MAP3K4: variants seen among roughly 807,000 people sequenced by gnomAD.
The protein encoded by MAP3K4 is mitogen-activated protein kinase kinase kinase 4.
Under a neutral mutation model 185.6 loss-of-function variants are expected in MAP3K4, and 67 were observed. That is an observed-to-expected ratio of 0.36 (90% CI 0.30 to 0.44). MAP3K4 has a LOEUF of 0.44. Ranked by LOEUF, MAP3K4 falls within the 20% of genes least tolerant of loss-of-function variation. The probability of loss-of-function intolerance (pLI) is 1.00; values close to 1 mark genes in which losing one functional copy is unlikely to be tolerated. For synonymous variants in MAP3K4, 702 were observed against 710.4 expected, an observed-to-expected ratio of 0.99 and a Z score of 0.19; for missense variants, 1,551 against 1,995.1, an observed-to-expected ratio of 0.78 and a Z score of 4.24.
rs1022744828 is a variant in MAP3K4 at position 160,992,018 on chromosome 6, G to A, written c.87G>A (p.Pro29=). Residue 29 remains proline, a synonymous_variant, in exon 1 of 27, where the codon CCG becomes CCA. Coordinates refer to ENST00000392142, the MANE Select transcript of MAP3K4 (RefSeq NM_005922.4). ...AAAMEEPPPP[P]PPPPPPPEPE... ...CCATGGAGGAGCCGCCGCCACCGCC[G>A]CCGCCGCCACCACCGCCACCGGAAC... The A allele has an allele frequency of 3.2e-6, 5 of 1,553,524 alleles. No individual in the cohort carries two copies. Among genetic ancestry groups the A allele is most frequent in the Non-Finnish European group, 4.3e-6 (5 of 1,156,796 alleles).
chr6:161,036,053 G>A (rs1052285400), intron 2 of MAP3K4, among the ~76,000 whole-genome samples: 2 of 152,158 alleles, frequency 1.3e-5, no homozygotes, highest in African/African-American at 4.8e-5. Flanking sequence ...GGCAATATTT[G>A]AGTTGACTTT....
At chr6:161,011,456 C>T (rs892629837) in intron 1 of MAP3K4, among the ~76,000 whole-genome samples, 1 of 152,040 alleles carries the variant, frequency 6.6e-6, no homozygotes, top group African/African-American at 2.4e-5. Context: ...CTTTCAACCC[C>T]CCTCCCTTCT....
In MAP3K4 at chr6:161,111,986, A is replaced by C. The variant is rs201438265; in HGVS notation, c.4519+28A>C. ...AGGGACCAGCCTGGTTGTTCTTTGC[A>C]CTCTGACTTCATGCAGCCTGCTTGG... On this transcript the variant is annotated intron_variant, in intron 24 of 26. Transcript: ENST00000392142. The C allele has an allele frequency of 1.9e-6, 3 of 1,611,488 alleles. No individual in the cohort carries two copies. In the African/African-American group the frequency reaches 4.0e-5, roughly 21 times the overall value.
intron 2 of MAP3K4, among the ~76,000 whole-genome samples, chr6:161,044,430 G>T (rs796884879): frequency 4.6e-5 from 7 of 152,254 alleles, no homozygotes; most frequent in African/African-American, 1.4e-4. Flanking sequence ...ATAGGCTTTT[G>T]GTTGTTATTA....
At position 160,992,019 on chromosome 6, in the gene MAP3K4, C is replaced by A; in HGVS notation, c.88C>A (p.Pro30Thr). Residue 30 changes from proline to threonine, a missense_variant, in exon 1 of 27, where the codon CCG becomes ACG. Physicochemically the swap from Pro to Thr is conservative, Grantham distance 38 (BLOSUM62 -1). This residue lies in a region of MAP3K4 where 287 missense variants were observed against 268.8 expected (regional missense o/e 1.07). Coordinates refer to ENST00000392142, the MANE Select transcript of MAP3K4 (RefSeq NM_005922.4). Reference sequence around the variant, plus strand: ...CATGGAGGAGCCGCCGCCACCGCCGCCGCCGCCACCACCGCCACCGGAACC... The same window carrying A: ...CATGGAGGAGCCGCCGCCACCGCCGACGCCGCCACCACCGCCACCGGAACC... ...AAMEEPPPPP[P>T]PPPPPPEPET... is the part of the protein sequence containing the mutation. 6.4e-7 allele frequency: 1 copy of A among 1,555,158 alleles called. No individual in the cohort carries two copies.
intron 1 of MAP3K4, among the ~76,000 whole-genome samples, chr6:161,021,923 C>T (rs759211466): frequency 2.7e-5 from 4 of 150,582 alleles, no homozygotes; most frequent in Non-Finnish European, 5.9e-5. Context: ...GAATAAAGAC[C>T]CAAGAAAACA....
Position 161,086,692 on chromosome 6 carries a change from G to C in MAP3K4, c.2556+25G>C. 1 of 1,574,150 alleles carries C rather than the reference G, an allele frequency of 6.4e-7. No individual in the cohort carries two copies. Among genetic ancestry groups the C allele is most frequent in the Non-Finnish European group, 8.7e-7 (1 of 1,153,202 alleles). Reference sequence around the variant, plus strand: ...GGTAAGTACTTCAAATGTTGTGATTGAAACATTTTGCCTTTCCTTCTTTAT... The same window carrying C: ...GGTAAGTACTTCAAATGTTGTGATTCAAACATTTTGCCTTTCCTTCTTTAT... On this transcript the variant is annotated intron_variant, in intron 9 of 26. Transcript: ENST00000392142. This position sits in a 1 kb window ranked among gnomAD's most constrained non-coding sequence, Gnocchi z 4.8.
chr6:161,026,726 C>T (rs201248736), intron 1 of MAP3K4, among the ~76,000 whole-genome samples: 32 of 133,280 alleles, frequency 2.4e-4, no homozygotes, highest in Admixed American at 1.8e-3. Context: ...CCAAAGGGTT[C>T]TCTCTCCTTT....
chr6:161,019,981 T>C lies in MAP3K4; in HGVS notation c.153-14278T>C, dbSNP rs187206081. Among the ~76,000 whole-genome samples, 54 of 152,354 alleles carry C rather than the reference T, an allele frequency of 3.5e-4. 1 individual carries two copies. The highest frequency in any genetic ancestry group is 8.3e-4 in the South Asian group (4 of 4,832). ...TATTCACTGCATCTTTTGACACTTA[T>C]ATGATTTTGTAAAAAAGTCAGTTTT... On this transcript the variant is annotated intron_variant, in intron 1 of 26. Transcript: ENST00000392142.
At position 161,011,170 on chromosome 6, in the gene MAP3K4, A is replaced by G. The variant is rs556538674; in HGVS notation, c.152+19087A>G. Among the ~76,000 whole-genome samples, 75 of 152,288 alleles carry G rather than the reference A, an allele frequency of 4.9e-4. No individual in the cohort carries two copies. The South Asian group carries it at 5.2e-3, about 11-fold the overall frequency. ...TTCATTGTCCTAATAGGCCCATGAG[A>G]GGGAAGTCTAATGAAGAATTTGAAA... On this transcript the variant is annotated intron_variant, in intron 1 of 26. Coordinates refer to ENST00000392142, the MANE Select transcript of MAP3K4 (RefSeq NM_005922.4).
rs994862320 is a variant in MAP3K4, at chr6:161,043,113, T to A, written c.344-5503T>A. Among the ~76,000 whole-genome samples, 1 of 152,202 alleles carries A rather than the reference T, an allele frequency of 6.6e-6. No individual in the cohort carries two copies. The highest frequency in any genetic ancestry group is 2.4e-5 in the African/African-American group (1 of 41,440). Reference sequence around the variant, plus strand: ...GCTGGTAAAATGGTTACAAATCAGATTCAATCTATATAGCTAGTGAAATGT... The same window carrying A: ...GCTGGTAAAATGGTTACAAATCAGAATCAATCTATATAGCTAGTGAAATGT... On this transcript the variant is annotated intron_variant, in intron 2 of 26. Coordinates refer to ENST00000392142, the MANE Select transcript of MAP3K4 (RefSeq NM_005922.4). The surrounding 1 kb of genome is among the most constrained non-coding windows in gnomAD (Gnocchi z 4.3).
chr6:161,020,689 A>G (rs1782344971), intron 1 of MAP3K4, among the ~76,000 whole-genome samples: 1 of 151,632 alleles, frequency 6.6e-6, no homozygotes, highest in Non-Finnish European at 1.5e-5. Flanking sequence ...AAAGAGAAAA[A>G]TGCATGCATG....
At position 161,074,909 on chromosome 6, in the gene MAP3K4, C is replaced by A. The variant is rs1293695295; in HGVS notation, c.2097+1297C>A. ...GCAATAGGAGCTCTCCTGGCAACCCCACCCAGCACATTTCCCCTGCCTTTT... is the reference window on the plus strand; with the variant it reads ...GCAATAGGAGCTCTCCTGGCAACCCAACCCAGCACATTTCCCCTGCCTTTT... On this transcript the variant is annotated intron_variant, in intron 5 of 26. Transcript: ENST00000392142. The surrounding 1 kb of genome is among the most constrained non-coding windows in gnomAD (Gnocchi z 5.0). Among the ~76,000 whole-genome samples the A allele has an allele frequency of 1.3e-5, 2 of 152,168 alleles. No individual in the cohort carries two copies. The highest frequency in any genetic ancestry group is 2.9e-5 in the Non-Finnish European group (2 of 68,018).
rs1318245958 is a variant in MAP3K4, at chr6:161,048,332, A to G, written c.344-284A>G. 3.3e-6 allele frequency: 2 copies of G among 615,094 alleles called. No individual in the cohort carries two copies. The highest frequency in any genetic ancestry group is 6.3e-6 in the Non-Finnish European group (2 of 316,076). The allele number at this position is 615,094 out of a possible 1,614,324, so 38.1% of individuals were successfully genotyped here. On this transcript the variant is annotated intron_variant, in intron 2 of 26. Transcript: ENST00000392142. The surrounding 1 kb of genome is among the most constrained non-coding windows in gnomAD (Gnocchi z 4.7). ...AATTTGGTTAAATGATTTGATAACT[A>G]TGCTTTGTAGCATAGAGAGAAATAA...
chr6:161,049,557 A>G lies in MAP3K4; in HGVS notation c.1285A>G (p.Ile429Val). The change falls in exon 3 of 27, where the codon ATC (isoleucine) becomes GTC (valine). Residue 429 changes from isoleucine (I) to valine (V), a missense_variant. This residue lies in a region of MAP3K4 where 24 missense variants were observed against 48.5 expected (regional missense o/e 0.49). Coordinates refer to ENST00000392142, the MANE Select transcript of MAP3K4 (RefSeq NM_005922.4). This position sits in a 1 kb window ranked among gnomAD's most constrained non-coding sequence, Gnocchi z 8.4. ...AGACATTGGCTGGCCAGTGTTTGAAATCCCTTCCCCTCGACCATCCAAAGG... is the reference window on the plus strand; with the variant it reads ...AGACATTGGCTGGCCAGTGTTTGAAGTCCCTTCCCCTCGACCATCCAAAGG... ...LSDIGWPVFE[I>V]PSPRPSKGNE... The G allele has an allele frequency of 6.2e-7, 1 of 1,614,182 alleles. No homozygotes were observed. Among genetic ancestry groups the G allele is most frequent in the East Asian group, 2.2e-5 (1 of 44,884 alleles).
At position 161,114,512 on chromosome 6, in the gene MAP3K4, T is replaced by TA. The variant is rs1778506188; in HGVS notation, c.4627-610dup. Reference sequence around the variant, plus strand: ...CATTAAAATAGAAAGGCAGTTGTGATATCTGTGTTATTCCAGTAAAGCCAC... The same window carrying TA: ...CATTAAAATAGAAAGGCAGTTGTGATAATCTGTGTTATTCCAGTAAAGCCAC... On this transcript the variant is annotated intron_variant, in intron 25 of 26. Transcript: ENST00000392142. The surrounding 1 kb of genome is among the most constrained non-coding windows in gnomAD (Gnocchi z 4.3). Among the ~76,000 whole-genome samples the TA allele has an allele frequency of 6.6e-6, 1 of 152,234 alleles. No homozygotes were observed. The highest frequency in any genetic ancestry group is 1.5e-5 in the Non-Finnish European group (1 of 68,038).
intron 2 of MAP3K4, among the ~76,000 whole-genome samples, chr6:161,038,539 C>T (rs952433891): frequency 4.6e-5 from 7 of 152,208 alleles, no homozygotes; most frequent in East Asian, 3.8e-4. Context: ...TTTAGAACTG[C>T]GGTCAGAGTT....
In MAP3K4 at chr6:161,008,457, C is replaced by T. The variant is rs568941681; in HGVS notation, c.152+16374C>T. Among the ~76,000 whole-genome samples, 120 of 151,634 alleles carry T rather than the reference C, an allele frequency of 7.9e-4. 1 individual carries two copies. Among genetic ancestry groups the T allele is most frequent in the South Asian group, 6.5e-3 (31 of 4,792 alleles). ...TTATTCTTTACAGAATTTTACATAC[C>T]GAGTTTTACGTATAATGGGAGCTGT... On this transcript the variant is annotated intron_variant, in intron 1 of 26. Coordinates refer to ENST00000392142, the MANE Select transcript of MAP3K4 (RefSeq NM_005922.4). The surrounding 1 kb of genome is among the most constrained non-coding windows in gnomAD (Gnocchi z 4.1).
chr6:161,000,689 T>C lies in MAP3K4; in HGVS notation c.152+8606T>C, dbSNP rs1454902044. Among the ~76,000 whole-genome samples the C allele has an allele frequency of 7.9e-5, 12 of 152,076 alleles. No individual in the cohort carries two copies. In the East Asian group the frequency reaches 2.3e-3, roughly 29 times the overall value. ...GAAAGGAACTCATTTTCCCCTGATA[T>C]ATATACACACATATATGTGTACACC... On this transcript the variant is annotated intron_variant, in intron 1 of 26. Transcript: ENST00000392142.
Sources: gnomAD v4.1 joint callset for allele counts (sites outside exome capture counted in the v4.1 genomes callset) on GRCh38, gnomAD v4.1.1 for gene constraint, gnomAD v4.1.1 regional missense constraint, Gnocchi (gnomAD v3.1) non-coding constraint, MANE v1.5 for transcripts, NCBI Gene and HGNC (gene_info 2026-07-23, HGNC 2026-07-21) for gene names.